Variants in CNTN5 observed in about 807,000 individuals in gnomAD.
CNTN5 encodes the protein contactin 5, also known as contactin-5.
In CNTN5, 77 loss-of-function variants were observed where a neutral mutation model predicts 129.1. The ratio of observed to expected loss-of-function variants is 0.60; its 90% CI spans 0.50 to 0.72. The LOEUF (loss-of-function observed/expected upper bound fraction) is 0.72, where lower values mean the gene tolerates loss of function less well. Among genes scored for constraint, CNTN5 ranks in the 30% least tolerant of loss-of-function variants. The pLI is 0.00. For synonymous variants in CNTN5, 509 were observed against 465.6 expected (o/e 1.09, Z -1.20); for missense variants, 1,478 against 1,328.8 (o/e 1.11, Z -1.75).
At chr11:99,844,249 A>C (rs1320086147) in intron 4 of CNTN5, among the ~76,000 whole-genome samples, 1 of 152,176 alleles carries the variant, frequency 6.6e-6, no homozygotes, top group African/African-American at 2.4e-5. Context: ...AGTTGTATAA[A>C]GTTTTGCCAT....
At chr11:99,811,363 A>G (rs532737662) in intron 3 of CNTN5, among the ~76,000 whole-genome samples, 1 of 151,632 alleles carries the variant, frequency 6.6e-6, no homozygotes, top group Non-Finnish European at 1.5e-5. Flanking sequence ...ATATATTTTT[A>G]TCATATTGAC....
intron 21 of CNTN5, among the ~76,000 whole-genome samples, chr11:100,315,185 C>T (rs1467295098): frequency 6.6e-6 from 1 of 152,174 alleles, no homozygotes; most frequent in Non-Finnish European, 1.5e-5. Flanking sequence ...CAGTCAGAGG[C>T]TTCCCCTGGT....
intron 21 of CNTN5, among the ~76,000 whole-genome samples, chr11:100,334,836 T>C (rs1388259361): frequency 1.3e-5 from 2 of 152,082 alleles, no homozygotes; most frequent in Non-Finnish European, 2.9e-5. Flanking sequence ...TATACACTGC[T>C]TGGGTGATAG....
At chr11:99,659,082 CACTT>C (rs1952500536) in intron 3 of CNTN5, among the ~76,000 whole-genome samples, 1 of 151,890 alleles carries the variant, frequency 6.6e-6, no homozygotes, top group Non-Finnish European at 1.5e-5. Context: ...TGGTCAAAGA[CACTT>C]ACTCATGGGC....
At chr11:100,015,108 T>A (rs552110969) in intron 9 of CNTN5, among the ~76,000 whole-genome samples, 1 of 152,302 alleles carries the variant, frequency 6.6e-6, no homozygotes, top group South Asian at 2.1e-4. Flanking sequence ...CTGAATTAAG[T>A]CATTTATCAA....
chr11:100,050,771 C>T (rs1461309336), intron 9 of CNTN5, among the ~76,000 whole-genome samples: 5 of 152,022 alleles, frequency 3.3e-5, no homozygotes. Context: ...TGCAAATACT[C>T]ATCATAGGAA....
At chr11:100,328,390 C>A (rs951719444) in intron 21 of CNTN5, among the ~76,000 whole-genome samples, 1 of 152,070 alleles carries the variant, frequency 6.6e-6, no homozygotes, top group Non-Finnish European at 1.5e-5. Context: ...TCCCTTCTTG[C>A]AATCCTATGA....
intron 2 of CNTN5, among the ~76,000 whole-genome samples, chr11:99,375,317 A>G (rs1378837148): frequency 6.6e-6 from 1 of 151,002 alleles, no homozygotes; most frequent in Non-Finnish European, 1.5e-5. Context: ...AAAAAAAAAA[A>G]AAAAAAAAAG....
intron 1 of CNTN5, among the ~76,000 whole-genome samples, chr11:99,103,235 C>G (rs771717786): frequency 1.3e-5 from 2 of 152,306 alleles, no homozygotes; most frequent in African/African-American, 2.4e-5. Flanking sequence ...GGTGGGGACA[C>G]AGCCAAACCA....
chr11:99,904,709 A>G (rs1949450506), intron 6 of CNTN5, among the ~76,000 whole-genome samples: 1 of 152,176 alleles, frequency 6.6e-6, no homozygotes. Flanking sequence ...TCCCTCAGGA[A>G]TTGCCACACT....
chr11:100,178,193 C>T (rs1281894887), intron 13 of CNTN5, among the ~76,000 whole-genome samples: 1 of 152,152 alleles, frequency 6.6e-6, no homozygotes, highest in African/African-American at 2.4e-5. Flanking sequence ...ACTGACAGTA[C>T]AGCTGCCATC....
intron 15 of CNTN5, among the ~76,000 whole-genome samples, chr11:100,211,983 T>G (rs963186300): frequency 2.0e-5 from 3 of 152,116 alleles, no homozygotes; most frequent in Non-Finnish European, 2.9e-5. Context: ...TTAAAATGCT[T>G]TAAAAGGATG....
At chr11:100,031,323 G>T (rs549209999) in intron 9 of CNTN5, among the ~76,000 whole-genome samples, 1 of 152,176 alleles carries the variant, frequency 6.6e-6, no homozygotes, top group Non-Finnish European at 1.5e-5. Flanking sequence ...AGCCAACAGC[G>T]CATGATGTGC....
At position 99,687,939 on chromosome 11, in the gene CNTN5, CT is replaced by C. The variant is rs973301721; in HGVS notation, c.56-131603del. ...TATATTTAATATTTAGAAGCATATG[CT>C]TGGTCAGCAGCATTCTGAACTACAG... On this transcript the variant is annotated intron_variant, in intron 3 of 24. Transcript: ENST00000524871. 1.3e-3 allele frequency among the ~76,000 whole-genome samples: 204 copies of C among 152,234 alleles called. 1 individual carries two copies. The highest frequency in any genetic ancestry group is 3.4e-3 in the Middle Eastern group (1 of 294).
chr11:99,632,958 T>G (rs1237195331), intron 3 of CNTN5, among the ~76,000 whole-genome samples: 1 of 152,150 alleles, frequency 6.6e-6, no homozygotes, highest in Non-Finnish European at 1.5e-5. Context: ...AATGGATTTA[T>G]TCATTATCTG....
At chr11:99,420,539 T>C (rs1308123741) in intron 2 of CNTN5, among the ~76,000 whole-genome samples, 1 of 152,182 alleles carries the variant, frequency 6.6e-6, no homozygotes, top group Non-Finnish European at 1.5e-5. Context: ...GCTCAAATTC[T>C]GGCCATTTCA....
intron 1 of CNTN5, among the ~76,000 whole-genome samples, chr11:99,036,757 C>T (rs1863755418): frequency 6.6e-6 from 1 of 152,072 alleles, no homozygotes; most frequent in Non-Finnish European, 1.5e-5. Flanking sequence ...TTGTTCTATG[C>T]CTAACAGAAT....
At chr11:99,910,124 A>G (rs945778071) in intron 6 of CNTN5, among the ~76,000 whole-genome samples, 11 of 136,622 alleles carry the variant, frequency 8.1e-5, no homozygotes, top group African/African-American at 2.7e-4. Context: ...TGAAAACTCA[A>G]ATCTTTTCTG....
intron 2 of CNTN5, among the ~76,000 whole-genome samples, chr11:99,466,812 G>A (rs1011749919): frequency 6.6e-6 from 1 of 151,906 alleles, no homozygotes; most frequent in Non-Finnish European, 1.5e-5. Flanking sequence ...ATCACATAAG[G>A]ACATTTTTAT....
Sources: allele counts gnomAD v4.1 joint callset (sites outside exome capture counted in the v4.1 genomes callset), GRCh38; gene constraint gnomAD v4.1.1; transcripts MANE v1.5; gene names NCBI Gene and HGNC (gene_info 2026-07-23, HGNC 2026-07-21).